Variants in CORO7 observed in about 807,000 individuals in gnomAD.
The protein encoded by CORO7 is coronin 7, also known as coronin-7.
CORO7 carries 107 observed loss-of-function variants against 126.6 expected under a neutral mutation model. The observed-to-expected ratio is 0.85, with a 90% CI of 0.72 to 0.99. CORO7 has a LOEUF of 0.99. Ranked by LOEUF, CORO7 falls within the 50% of genes least tolerant of loss-of-function variation. CORO7 has a pLI of 0.00. For synonymous variants in CORO7, 603 were observed against 536.8 expected (o/e 1.12, Z -1.70); for missense variants, 1,314 against 1,255.8 (o/e 1.05, Z -0.70).
intron 9 of CORO7, among the ~76,000 whole-genome samples, chr16:4,373,415 G>T (rs1485679198): frequency 6.6e-6 from 1 of 152,128 alleles, no homozygotes; most frequent in Non-Finnish European, 1.5e-5. Context: ...GGGTCCGGAG[G>T]GTCAGATGGG....
chr16:4,387,564 C>G (rs996862307), intron 9 of CORO7, among the ~76,000 whole-genome samples: 1 of 149,950 alleles, frequency 6.7e-6, no homozygotes, highest in Admixed American at 6.6e-5. Context: ...CCACCCCCAC[C>G]CTGCCAGGCT....
At chr16:4,382,104 CCCA>C (rs1426261555) in intron 9 of CORO7, 4 of 1,584,592 alleles carry the variant, frequency 2.5e-6, no homozygotes, top group Middle Eastern at 1.7e-4. Context: ...CCCAGGACTG[CCCA>C]CCGTCCACCT....
At chr16:4,358,570 A>T (rs1468827088) in intron 23 of CORO7, 87 bp from the exon 24 acceptor site, 2 of 1,264,972 alleles carry the variant, frequency 1.6e-6, no homozygotes, top group African/African-American at 3.0e-5. Flanking sequence ...GGCACCCCTC[A>T]CTTAGGACCA....
intron 7 of CORO7, among the ~76,000 whole-genome samples, chr16:4,392,092 C>G (rs766886184): frequency 2.0e-5 from 3 of 152,186 alleles, no homozygotes; most frequent in African/African-American, 7.2e-5. Context: ...CCACCCCCCA[C>G]TGGCCTGTCT....
In CORO7 at chr16:4,355,173, A is replaced by C; in HGVS notation, c.2773-10T>G. 4 of 1,544,498 alleles carry C rather than the reference A, an allele frequency of 2.6e-6. No individual in the cohort carries two copies. The highest frequency in any genetic ancestry group is 3.5e-6 in the Non-Finnish European group (4 of 1,141,544). On this transcript the variant is annotated splice_polypyrimidine_tract_variant and intron_variant, in intron 27 of 27. Coordinates refer to ENST00000251166, the MANE Select transcript of CORO7 (RefSeq NM_024535.5). ...GGGGCGCAGGCTAGTCCTGGGGCGA[A>C]ACACCAAGAGGTGGGAGGGAGTCAG... is the stretch of plus-strand genomic sequence containing the variant.
At chr16:4,385,328 G>C (rs2055157823) in intron 9 of CORO7, among the ~76,000 whole-genome samples, 1 of 152,056 alleles carries the variant, frequency 6.6e-6, no homozygotes, top group African/African-American at 2.4e-5. Flanking sequence ...CTGCTCCCCA[G>C]CCACGGGTGG....
chr16:4,374,160 G>A (rs951356791), intron 9 of CORO7, among the ~76,000 whole-genome samples: 6 of 151,084 alleles, frequency 4.0e-5, no homozygotes, highest in South Asian at 2.1e-4. Flanking sequence ...GTCTGTGTGC[G>A]CGTGACTGGA....
intron 6 of CORO7, among the ~76,000 whole-genome samples, chr16:4,396,059 AC>A (rs2055578401): frequency 1.3e-5 from 2 of 151,712 alleles, no homozygotes. Flanking sequence ...TGTATCCACT[AC>A]TACAGGCTGG....
intron 6 of CORO7, among the ~76,000 whole-genome samples, chr16:4,399,971 T>C (rs1045517360): frequency 2.6e-5 from 4 of 152,188 alleles, no homozygotes; most frequent in Admixed American, 6.5e-5. Context: ...CTACATACCA[T>C]ATAATTCCAA....
intron 1 of CORO7, among the ~76,000 whole-genome samples, chr16:4,415,406 T>C (rs2056371736): frequency 6.6e-6 from 1 of 152,006 alleles, no homozygotes; most frequent in African/African-American, 2.4e-5. Flanking sequence ...ACTGGCCCCC[T>C]CCATTCTCCA....
At chr16:4,366,957 G>C (rs558078300) in intron 9 of CORO7, among the ~76,000 whole-genome samples, 1 of 152,272 alleles carries the variant, frequency 6.6e-6, no homozygotes, top group South Asian at 2.1e-4. Flanking sequence ...ACCCAGCTGT[G>C]GCAGCTGCCT....
At chr16:4,374,244 GCCT>G (rs915694925) in intron 9 of CORO7, among the ~76,000 whole-genome samples, 5 of 152,168 alleles carry the variant, frequency 3.3e-5, no homozygotes, top group Non-Finnish European at 7.4e-5. Flanking sequence ...CAGGGCCTCA[GCCT>G]CCTTCCTTTT....
intron 9 of CORO7, chr16:4,381,027 G>T: frequency 6.2e-7 from 1 of 1,610,066 alleles, no homozygotes. Context: ...CCCGAGACGT[G>T]CCACCCGACA....
At chr16:4,398,937 C>T (rs1325861364) in intron 6 of CORO7, among the ~76,000 whole-genome samples, 1 of 148,994 alleles carries the variant, frequency 6.7e-6, no homozygotes, top group Non-Finnish European at 1.5e-5. Context: ...CATTGCACTC[C>T]AGCCCAGGTG....
intron 6 of CORO7, among the ~76,000 whole-genome samples, chr16:4,400,019 T>C (rs1031652688): frequency 1.3e-5 from 2 of 151,984 alleles, no homozygotes; most frequent in African/African-American, 4.8e-5. Flanking sequence ...ATACAGACAA[T>C]GAAAAGATCA....
intron 9 of CORO7, among the ~76,000 whole-genome samples, chr16:4,371,460 A>T (rs1183743499): frequency 6.6e-6 from 1 of 151,974 alleles, no homozygotes; most frequent in Non-Finnish European, 1.5e-5. Context: ...GGTCATGAGG[A>T]CTCAGCCCTT....
chr16:4,367,981 T>C (rs571227431), intron 9 of CORO7, among the ~76,000 whole-genome samples: 1 of 152,248 alleles, frequency 6.6e-6, no homozygotes, highest in South Asian at 2.1e-4. Flanking sequence ...GGAGAATCAC[T>C]TGAGCCCAGT....
chr16:4,378,191 A>G (rs905967107), intron 9 of CORO7, among the ~76,000 whole-genome samples: 1 of 152,148 alleles, frequency 6.6e-6, no homozygotes, highest in Non-Finnish European at 1.5e-5. Flanking sequence ...TGTCCCAGAT[A>G]CTCAGATGAA....
At chr16:4,365,326 C>T (rs1221573988) in intron 10 of CORO7, among the ~76,000 whole-genome samples, 165 bp downstream of exon 10, 2 of 152,304 alleles carry the variant, frequency 1.3e-5, no homozygotes, top group East Asian at 1.9e-4. Flanking sequence ...GCTCTATTCT[C>T]GGCCTTGTTC....
Sources: allele counts gnomAD v4.1 joint callset (sites outside exome capture counted in the v4.1 genomes callset), GRCh38; gene constraint gnomAD v4.1.1; transcripts MANE v1.5; gene names NCBI Gene and HGNC (gene_info 2026-07-23, HGNC 2026-07-21).